CNGB3: variants seen among roughly 807,000 people sequenced by gnomAD.
The protein encoded by CNGB3 is cyclic nucleotide-gated channel beta-3.
A neutral mutation model predicts 92.8 loss-of-function variants in CNGB3; 86 were observed. The ratio of observed to expected loss-of-function variants is 0.93; its 90% CI spans 0.78 to 1.11. The LOEUF is 1.11. Ranked by LOEUF, CNGB3 falls within the 50% of genes least tolerant of loss-of-function variation. The pLI is 0.00. For synonymous variants in CNGB3, 333 were observed against 332.7 expected, an observed-to-expected ratio of 1.00 and a Z score of -0.01; for missense variants, 1,026 against 956.8, an observed-to-expected ratio of 1.07 and a Z score of -0.95.
At chr8:86,695,379 G>A (rs1481986364) in intron 3 of CNGB3, among the ~76,000 whole-genome samples, 1 of 151,782 alleles carries the variant, frequency 6.6e-6, no homozygotes, top group Non-Finnish European at 1.5e-5. Flanking sequence ...TTTTTTCTTT[G>A]TCAGATCAGG....
chr8:86,679,327 A>C (rs916072919), intron 3 of CNGB3, among the ~76,000 whole-genome samples: 1 of 152,024 alleles, frequency 6.6e-6, no homozygotes, highest in Non-Finnish European at 1.5e-5. Flanking sequence ...TCTTTATTTA[A>C]AACGTGTTTC....
intron 13 of CNGB3, among the ~76,000 whole-genome samples, chr8:86,616,045 C>A (rs1822614459): frequency 6.6e-6 from 1 of 152,088 alleles, no homozygotes; most frequent in Non-Finnish European, 1.5e-5. Flanking sequence ...AACGTGAGAC[C>A]AACCTAGGAG....
intron 12 of CNGB3, among the ~76,000 whole-genome samples, 158 bp downstream of exon 12, chr8:86,628,761 G>T (rs1413241365): frequency 7.4e-6 from 1 of 135,104 alleles, no homozygotes; most frequent in Admixed American, 7.5e-5. Flanking sequence ...TTATATTTCA[G>T]GAAAAAAAAA....
At chr8:86,667,707 A>T (rs766693383) in intron 5 of CNGB3, among the ~76,000 whole-genome samples, 1 of 152,210 alleles carries the variant, frequency 6.6e-6, no homozygotes, top group Non-Finnish European at 1.5e-5. Flanking sequence ...ATGGAAGAAG[A>T]CTGACACTTT....
chr8:86,577,586 T>C (rs2131531023), intron 17 of CNGB3, among the ~76,000 whole-genome samples: 1 of 152,332 alleles, frequency 6.6e-6, no homozygotes, highest in East Asian at 1.9e-4. Context: ...TTTTTGTCAA[T>C]TGGTCAATGT....
At chr8:86,628,457 G>A (rs1470610124) in intron 12 of CNGB3, among the ~76,000 whole-genome samples, 1 of 152,146 alleles carries the variant, frequency 6.6e-6, no homozygotes, top group Non-Finnish European at 1.5e-5. Flanking sequence ...AGGGTCAACT[G>A]TACTGTGTTC....
At chr8:86,712,624 A>G (rs1824770273) in intron 3 of CNGB3, among the ~76,000 whole-genome samples, 1 of 152,022 alleles carries the variant, frequency 6.6e-6, no homozygotes, top group Admixed American at 6.6e-5. Flanking sequence ...CTGTATTTCT[A>G]TTCTGTTCTA....
intron 6 of CNGB3, chr8:86,660,548 G>T (rs889278376): frequency 1.3e-5 from 7 of 533,940 alleles, no homozygotes; most frequent in Admixed American, 5.8e-5. Context: ...CTGTACAATG[G>T]AATTATAGGA....
At chr8:86,666,860 A>T in intron 6 of CNGB3, 65 bp downstream of exon 6, 2 of 1,271,706 alleles carry the variant, frequency 1.6e-6, no homozygotes, top group Non-Finnish European at 2.3e-6. Flanking sequence ...CAATGCTGTT[A>T]CTTTTTGTAG....
At chr8:86,645,632 T>C (rs940584348) in intron 8 of CNGB3, among the ~76,000 whole-genome samples, 15 of 151,268 alleles carry the variant, frequency 9.9e-5, no homozygotes, top group Admixed American at 9.9e-4. Context: ...AATAGAACGT[T>C]TAGAATTAAA....
chr8:86,607,968 A>G (rs953568846), intron 14 of CNGB3, among the ~76,000 whole-genome samples: 2 of 152,164 alleles, frequency 1.3e-5, no homozygotes, highest in Admixed American at 6.5e-5. Flanking sequence ...ATCTACTATC[A>G]TGTAAATCCA....
intron 14 of CNGB3, 36 bp downstream of exon 14, chr8:86,611,552 T>C: frequency 6.7e-7 from 1 of 1,495,214 alleles, no homozygotes; most frequent in Non-Finnish European, 9.3e-7. Context: ...CAAATGCATT[T>C]ATTAGTTGTG....
At chr8:86,650,408 CATT>C (rs1309017622) in intron 7 of CNGB3, among the ~76,000 whole-genome samples, 3 of 151,396 alleles carry the variant, frequency 2.0e-5, no homozygotes, top group South Asian at 2.1e-4. Context: ...GGAAAAGAGT[CATT>C]ATATGAAAAA....
intron 3 of CNGB3, among the ~76,000 whole-genome samples, chr8:86,689,360 A>C (rs989315655): frequency 8.6e-5 from 13 of 151,978 alleles, no homozygotes; most frequent in African/African-American, 2.9e-4. Flanking sequence ...GATATATCCA[A>C]TGCTGAAAGT....
rs192448853 is a variant in CNGB3 at position 86,578,706 on chromosome 8, G to A, written c.2086C>T (p.Arg696Ter). Residue 696 changes from arginine (R) to a stop codon, truncating the protein, a stop_gained, in exon 17 of 18, where the codon CGA (arginine) becomes TGA (stop). Coordinates refer to ENST00000320005, the MANE Select transcript of CNGB3 (RefSeq NM_019098.5). LOFTEE classifies it low-confidence loss of function (END_TRUNC). ...CTTATTACCTGAGCTGCTTGCTCTCGCTTCAATTTGAGTAGTCTTGCAAGA... is the reference window on the plus strand; with the variant it reads ...CTTATTACCTGAGCTGCTTGCTCTCACTTCAATTTGAGTAGTCTTGCAAGA... Reference protein sequence around the residue: ...ASLARLLKLKREQAAQKKENS... With the variant: ...ASLARLLKLK The A allele has an allele frequency of 1.1e-4, 172 of 1,613,916 alleles. No homozygotes were observed. The Admixed American group carries it at 1.9e-3, about 18-fold the overall frequency.
chr8:86,693,435 ATTTAT>A (rs373231975), intron 3 of CNGB3, among the ~76,000 whole-genome samples: 279 of 146,484 alleles, frequency 1.9e-3, no homozygotes, highest in South Asian at 9.2e-3. Context: ...TATTATTATT[ATTTAT>A]TTATTTATTT....
intron 3 of CNGB3, among the ~76,000 whole-genome samples, chr8:86,683,019 C>A (rs1240291878): frequency 6.6e-6 from 1 of 152,098 alleles, no homozygotes; most frequent in Non-Finnish European, 1.5e-5. Context: ...AATTCTTGGG[C>A]AGATTCTTCT....
intron 3 of CNGB3, chr8:86,704,173 CAGAGA>C (rs952126037): frequency 6.6e-6 from 1 of 152,132 alleles, no homozygotes; most frequent in African/African-American, 2.4e-5. Context: ...TAAAGCAAGC[CAGAGA>C]AGAGAAAATG....
At chr8:86,590,392 C>G (rs1199462747) in intron 15 of CNGB3, among the ~76,000 whole-genome samples, 1 of 152,016 alleles carries the variant, frequency 6.6e-6, no homozygotes, top group Non-Finnish European at 1.5e-5. Context: ...ATGATGTTAG[C>G]TGGTTATTTT....
Sources: allele counts gnomAD v4.1 joint callset (sites outside exome capture counted in the v4.1 genomes callset), GRCh38; gene constraint gnomAD v4.1.1; transcripts MANE v1.5; gene names NCBI Gene and HGNC (gene_info 2026-07-23, HGNC 2026-07-21).